Variants in ABTB3 observed in about 807,000 individuals in gnomAD.
ABTB3 encodes ankyrin repeat and BTB domain containing 3.
the ABTB3 span, among the ~76,000 whole-genome samples, chr12:107,336,683 A>G: frequency 1.3e-5 from 2 of 152,246 alleles, no homozygotes; most frequent in Non-Finnish European, 2.9e-5. Context: ...CAGTCTTTAC[A>G]GATCATCTTG....
At chr12:107,463,291 A>G in the ABTB3 span, among the ~76,000 whole-genome samples, 1 of 151,134 alleles carries the variant, frequency 6.6e-6, no homozygotes, top group Non-Finnish European at 1.5e-5. Context: ...AGTGATGATG[A>G]TGGTGGTGGT....
the ABTB3 span, among the ~76,000 whole-genome samples, chr12:107,561,925 C>T: frequency 1.3e-5 from 2 of 152,306 alleles, no homozygotes; most frequent in East Asian, 1.9e-4. Context: ...AGCACACTCA[C>T]TCCCTTCAAC....
At chr12:107,416,729 AGTGGTCCTACT>A in the ABTB3 span, among the ~76,000 whole-genome samples, 1 of 152,106 alleles carries the variant, frequency 6.6e-6, no homozygotes, top group Non-Finnish European at 1.5e-5. Flanking sequence ...GGCACAATCA[AGTGGTCCTACT>A]GCCTCAGCCT....
chr12:107,340,878 G>A, the ABTB3 span, among the ~76,000 whole-genome samples: 2 of 152,226 alleles, frequency 1.3e-5, no homozygotes, highest in Admixed American at 6.5e-5. Flanking sequence ...TAGGAATTTG[G>A]TGAAGAGAAA....
the ABTB3 span, among the ~76,000 whole-genome samples, chr12:107,391,775 C>G: frequency 6.6e-6 from 1 of 152,150 alleles, no homozygotes; most frequent in Non-Finnish European, 1.5e-5. Flanking sequence ...ATTCTTAGCC[C>G]AAGGTTCAGG....
the ABTB3 span, among the ~76,000 whole-genome samples, chr12:107,457,789 G>A: frequency 3.9e-5 from 6 of 152,208 alleles, no homozygotes; most frequent in Admixed American, 1.3e-4. Context: ...TTGGCAGAAC[G>A]GGCAAAGAGA....
chr12:107,506,911 T>C, the ABTB3 span, among the ~76,000 whole-genome samples: 1 of 152,268 alleles, frequency 6.6e-6, no homozygotes, highest in Admixed American at 6.5e-5. Flanking sequence ...CTCTGGAGAG[T>C]GGGATTAGGT....
At chr12:107,619,830 C>A in the ABTB3 span, among the ~76,000 whole-genome samples, 3 of 152,114 alleles carry the variant, frequency 2.0e-5, no homozygotes, top group Admixed American at 6.5e-5. Flanking sequence ...TGGTTCTGTT[C>A]GTTGAAAGTC....
chr12:107,473,420 G>A, the ABTB3 span, among the ~76,000 whole-genome samples: 1 of 150,876 alleles, frequency 6.6e-6, no homozygotes, highest in South Asian at 2.1e-4. Context: ...GTGGCATGAT[G>A]TTGGCTCACT....
the ABTB3 span, among the ~76,000 whole-genome samples, chr12:107,517,405 A>G: frequency 6.6e-6 from 1 of 152,200 alleles, no homozygotes; most frequent in Non-Finnish European, 1.5e-5. Flanking sequence ...TTCTGTGAAG[A>G]AAGTCATTGG....
At chr12:107,598,373 T>C in the ABTB3 span, among the ~76,000 whole-genome samples, 1 of 152,216 alleles carries the variant, frequency 6.6e-6, no homozygotes, top group Non-Finnish European at 1.5e-5. Context: ...ATGTTACCCA[T>C]GCCACTTCTA....
At chr12:107,455,398 T>C in the ABTB3 span, among the ~76,000 whole-genome samples, 1 of 152,060 alleles carries the variant, frequency 6.6e-6, no homozygotes, top group African/African-American at 2.4e-5. Flanking sequence ...TCTTTCTGTC[T>C]CTCAGTGGGG....
the ABTB3 span, among the ~76,000 whole-genome samples, chr12:107,345,980 G>T: frequency 6.6e-6 from 1 of 152,166 alleles, no homozygotes; most frequent in Non-Finnish European, 1.5e-5. Flanking sequence ...ACTCATTTTA[G>T]CCTTGTTGCA....
the ABTB3 span, among the ~76,000 whole-genome samples, chr12:107,553,560 G>C: frequency 6.6e-6 from 1 of 152,158 alleles, no homozygotes; most frequent in Non-Finnish European, 1.5e-5. Flanking sequence ...GTCCAGAAGA[G>C]GCTTTGGATG....
chr12:107,589,251 T>C, the ABTB3 span, among the ~76,000 whole-genome samples: 1 of 152,228 alleles, frequency 6.6e-6, no homozygotes, highest in African/African-American at 2.4e-5. Context: ...AACAATAGCC[T>C]CATTGTCCTC....
chr12:107,499,627 G>T, the ABTB3 span, among the ~76,000 whole-genome samples: 1 of 151,988 alleles, frequency 6.6e-6, no homozygotes, highest in African/African-American at 2.4e-5. Context: ...ATGCTGGAAG[G>T]TGAAGGCCTT....
the ABTB3 span, among the ~76,000 whole-genome samples, chr12:107,424,037 T>G: frequency 0.028 from 4,295 of 152,312 alleles, 152 homozygotes; most frequent in African/African-American, 0.089. Context: ...CTACCCACCA[T>G]GGCACCATAA....
chr12:107,532,532 GC>G, the ABTB3 span, among the ~76,000 whole-genome samples: 1 of 152,128 alleles, frequency 6.6e-6, no homozygotes, highest in African/African-American at 2.4e-5. Flanking sequence ...TACATCTACA[GC>G]AAAAAGTCTT....
chr12:107,496,697 C>T, the ABTB3 span, among the ~76,000 whole-genome samples: 1 of 152,316 alleles, frequency 6.6e-6, no homozygotes, highest in Non-Finnish European at 1.5e-5. Context: ...GATATGGAGA[C>T]ATACCAACTC....
Sources: gnomAD v4.1 joint callset for allele counts (sites outside exome capture counted in the v4.1 genomes callset) on GRCh38, gnomAD v4.1.1 for gene constraint, MANE v1.5 for transcripts, NCBI Gene and HGNC (gene_info 2026-07-23, HGNC 2026-07-21) for gene names.